LINGO1: variants seen among roughly 807,000 people sequenced by gnomAD.
The protein encoded by LINGO1 is leucine-rich repeat and immunoglobulin-like domain-containing nogo receptor-interacting protein 1.
Under a neutral mutation model 37.3 loss-of-function variants are expected in LINGO1, and 11 were observed. The observed-to-expected ratio is 0.29, with a 90% CI of 0.19 to 0.49. LINGO1 has a LOEUF of 0.49. Ranked by LOEUF, LINGO1 falls within the 20% of genes least tolerant of loss-of-function variation. LINGO1 has a pLI of 0.99. For missense variants in LINGO1, 585 were observed against 878.2 expected (o/e 0.67, Z 4.22); for synonymous variants, 387 against 403.0 (o/e 0.96, Z 0.48).
chr15:77,698,065 C>A (rs533217179), upstream of LINGO1, among the ~76,000 whole-genome samples: 1 of 151,864 alleles, frequency 6.6e-6, no homozygotes, highest in African/African-American at 2.4e-5. Context: ...TTCAGGCAGG[C>A]GGAAGGACAG....
At chr15:77,729,872 T>C (rs1421504683) in intron 2 of LINGO1, among the ~76,000 whole-genome samples, 1 of 152,248 alleles carries the variant, frequency 6.6e-6, no homozygotes, top group Non-Finnish European at 1.5e-5. Flanking sequence ...TTCCTTGCTA[T>C]TGCATCCTAT....
intron 1 of LINGO1, among the ~76,000 whole-genome samples, chr15:77,815,030 C>G (rs1307314433): frequency 6.6e-6 from 1 of 152,244 alleles, no homozygotes; most frequent in Non-Finnish European, 1.5e-5. Context: ...GGTGCTGGAA[C>G]TGGGCCACCT....
At chr15:77,639,754 C>T (rs2074463793) in intron 3 of LINGO1, among the ~76,000 whole-genome samples, 1 of 152,012 alleles carries the variant, frequency 6.6e-6, no homozygotes, top group South Asian at 2.1e-4. Context: ...AAAAACAAGC[C>T]CCAAGCCCTA....
At chr15:77,680,334 A>G (rs889305379) in intron 2 of LINGO1, among the ~76,000 whole-genome samples, 2 of 152,208 alleles carry the variant, frequency 1.3e-5, no homozygotes, top group Non-Finnish European at 2.9e-5. Context: ...GAGTTCAGAG[A>G]GTACCGGTTA....
chr15:77,655,603 C>T (rs569596940), intron 3 of LINGO1, among the ~76,000 whole-genome samples: 2 of 152,324 alleles, frequency 1.3e-5, no homozygotes, highest in East Asian at 1.9e-4. Context: ...ACTCTGGCCG[C>T]TCCACTGGCT....
intron 1 of LINGO1, among the ~76,000 whole-genome samples, chr15:77,796,235 C>T (rs1236541551): frequency 6.6e-6 from 1 of 152,212 alleles, no homozygotes; most frequent in Non-Finnish European, 1.5e-5. Flanking sequence ...CATGTACTCT[C>T]ATTCACTGGC....
intron 3 of LINGO1, among the ~76,000 whole-genome samples, chr15:77,655,221 C>T (rs2074842067): frequency 1.3e-5 from 2 of 152,186 alleles, no homozygotes; most frequent in South Asian, 4.1e-4. Flanking sequence ...TTGCCCCAGA[C>T]ACAGCAGGTG....
At chr15:77,690,326 C>T (rs370222238) in intron 2 of LINGO1, among the ~76,000 whole-genome samples, 1 of 152,196 alleles carries the variant, frequency 6.6e-6, no homozygotes, top group Non-Finnish European at 1.5e-5. Flanking sequence ...GTCTCCACCC[C>T]CAACCCTAGT....
At chr15:77,620,183 G>A (rs1325010441) in intron 1 of LINGO1, among the ~76,000 whole-genome samples, 6 of 152,034 alleles carry the variant, frequency 3.9e-5, no homozygotes, top group African/African-American at 1.5e-4. Flanking sequence ...TTTAATCAGT[G>A]TTTTATTTTG....
At chr15:77,780,182 G>C (rs1004990689) in intron 1 of LINGO1, among the ~76,000 whole-genome samples, 1 of 152,226 alleles carries the variant, frequency 6.6e-6, no homozygotes, top group African/African-American at 2.4e-5. Context: ...CTTGACACAG[G>C]GGAGGGTATA....
At chr15:77,765,271 C>G (rs923422012) in intron 1 of LINGO1, among the ~76,000 whole-genome samples, 11 of 152,092 alleles carry the variant, frequency 7.2e-5, no homozygotes, top group African/African-American at 2.7e-4. Context: ...AAAAATTAGC[C>G]AGCTGCGGCG....
intron 1 of LINGO1, among the ~76,000 whole-genome samples, chr15:77,800,120 A>C (rs2076905625): frequency 6.6e-6 from 1 of 152,220 alleles, no homozygotes; most frequent in Non-Finnish European, 1.5e-5. Flanking sequence ...GGATTGGCTC[A>C]GAGCCCTCCC....
At chr15:77,659,645 G>T (rs1290717358) in intron 3 of LINGO1, among the ~76,000 whole-genome samples, 1 of 152,218 alleles carries the variant, frequency 6.6e-6, no homozygotes, top group Admixed American at 6.5e-5. Flanking sequence ...GCCTACAGGG[G>T]TAGTGGATGG....
intron 2 of LINGO1, among the ~76,000 whole-genome samples, chr15:77,717,518 G>T (rs1421990627): frequency 6.6e-6 from 1 of 150,782 alleles, no homozygotes; most frequent in East Asian, 2.1e-4. Flanking sequence ...CACACCACGT[G>T]TGAGAGGATC....
upstream of LINGO1, among the ~76,000 whole-genome samples, chr15:77,701,188 C>T (rs1164009646): frequency 6.6e-6 from 1 of 152,146 alleles, no homozygotes; most frequent in Non-Finnish European, 1.5e-5. Flanking sequence ...ATGCCAAAGG[C>T]TGAAAGGTGA....
intron 2 of LINGO1, among the ~76,000 whole-genome samples, chr15:77,723,359 C>A (rs2076070278): frequency 6.6e-6 from 1 of 152,212 alleles, no homozygotes; most frequent in Non-Finnish European, 1.5e-5. Flanking sequence ...TGCTAAGAGT[C>A]ATCCTGCCCT....
chr15:77,686,569 GC>G (rs2075514845), intron 2 of LINGO1, among the ~76,000 whole-genome samples: 1 of 152,186 alleles, frequency 6.6e-6, no homozygotes, highest in Non-Finnish European at 1.5e-5. Context: ...TCAGCCCAGT[GC>G]CCCCACCGTC....
intron 3 of LINGO1, among the ~76,000 whole-genome samples, chr15:77,664,991 T>C (rs1197647444): frequency 2.0e-5 from 3 of 152,080 alleles, no homozygotes; most frequent in African/African-American, 4.8e-5. Flanking sequence ...GAGGCATGCT[T>C]GTACACACGT....
intron 3 of LINGO1, among the ~76,000 whole-genome samples, chr15:77,656,843 C>T (rs1025704205): frequency 5.9e-5 from 9 of 152,158 alleles, no homozygotes; most frequent in African/African-American, 2.2e-4. Context: ...CAGCCAGGAG[C>T]TGGTTTCTTT....
Sources: allele counts gnomAD v4.1 joint callset (sites outside exome capture counted in the v4.1 genomes callset), GRCh38; gene constraint gnomAD v4.1.1; transcripts MANE v1.5; gene names NCBI Gene and HGNC (gene_info 2026-07-23, HGNC 2026-07-21).